Variants in KCNK12 observed in about 807,000 individuals in gnomAD.
The protein encoded by KCNK12 is potassium two pore domain channel subfamily K member 12.
KCNK12 carries 6 observed loss-of-function variants against 25.3 expected under a neutral mutation model. The observed-to-expected ratio is 0.24, with a 90% CI of 0.13 to 0.47. KCNK12 has a LOEUF of 0.47. Ranked by LOEUF, KCNK12 falls within the 20% of genes least tolerant of loss-of-function variation. The probability of loss-of-function intolerance (pLI) is 0.99; values close to 1 mark genes in which losing one functional copy is unlikely to be tolerated. For missense variants in KCNK12, 444 were observed against 661.7 expected (o/e 0.67, Z 3.61); for synonymous variants, 331 against 311.1 (o/e 1.06, Z -0.67).
chr2:47,547,310 C>T lies in KCNK12; in HGVS notation c.391+22631G>A, dbSNP rs1669334948. 1.3e-5 allele frequency among the ~76,000 whole-genome samples: 2 copies of T among 152,324 alleles called. No individual in the cohort carries two copies. Among genetic ancestry groups the T allele is most frequent in the South Asian group, 4.1e-4 (2 of 4,828 alleles). The stretch of plus-strand genomic sequence containing the variant: ...CTCTCATGAGGAGTTTTACAAAATG[C>T]TAATTCATAAGCCCCCACTTCCAGA... On this transcript the variant is annotated intron_variant, in intron 1 of 1. Coordinates refer to ENST00000327876, the MANE Select transcript of KCNK12 (RefSeq NM_022055.2). This position sits in a 1 kb window ranked among gnomAD's most constrained non-coding sequence, Gnocchi z 5.0.
intron 1 of KCNK12, chr2:47,564,239 A>G: frequency 1.3e-5 from 3 of 230,844 alleles, no homozygotes; most frequent in Non-Finnish European, 2.6e-5. Context: ...TTGTAGAGGC[A>G]TAGGCTCAGA....
Position 47,520,840 on chromosome 2 carries a change from G to A in KCNK12, c.*67C>T. On this transcript the variant is annotated 3_prime_UTR_variant, in exon 2 of 2. Transcript: ENST00000327876. The surrounding 1 kb of genome is among the most constrained non-coding windows in gnomAD (Gnocchi z 5.0). ...TTAAGAAAGCGCCAGCAGTGACTGA[G>A]AGAAGCAAACCACGCCCGGCGGCCC... is the stretch of plus-strand genomic sequence containing the variant. 1 of 1,098,528 alleles carries A rather than the reference G, an allele frequency of 9.1e-7. No individual in the cohort carries two copies. Among genetic ancestry groups the A allele is most frequent in the Non-Finnish European group, 1.2e-6 (1 of 864,300 alleles). The allele number at this position is 1,098,528 out of a possible 1,614,324, so 68.0% of individuals were successfully genotyped here.
At position 47,551,779 on chromosome 2, in the gene KCNK12, G is replaced by T. The variant is rs553366992; in HGVS notation, c.391+18162C>A. ...AGGCAGATTATTGGTTTAAGATTCAGTTCTAGCCACAGGCTGCACTGTGCA... is the reference window on the plus strand; with the variant it reads ...AGGCAGATTATTGGTTTAAGATTCATTTCTAGCCACAGGCTGCACTGTGCA... On this transcript the variant is annotated intron_variant, in intron 1 of 1. Transcript: ENST00000327876. This position sits in a 1 kb window ranked among gnomAD's most constrained non-coding sequence, Gnocchi z 5.3. 2.6e-5 allele frequency among the ~76,000 whole-genome samples: 4 copies of T among 152,334 alleles called. No individual in the cohort carries two copies. Among genetic ancestry groups the T allele is most frequent in the Non-Finnish European group, 5.9e-5 (4 of 68,030 alleles).
Position 47,512,189 on chromosome 2 carries a change from T to G in KCNK12, c.*8718A>C. The G allele has an allele frequency of 7.8e-7, 1 of 1,286,358 alleles. No individual in the cohort carries two copies. The highest frequency in any genetic ancestry group is 1.1e-6 in the Non-Finnish European group (1 of 947,086). The allele number at this position is 1,286,358 out of a possible 1,614,324, so 79.7% of individuals were successfully genotyped here. A position where few individuals can be genotyped will look rare whatever the true frequency, so the allele number is the denominator to read the frequency against. On this transcript the variant is annotated 3_prime_UTR_variant, in exon 2 of 2. Coordinates refer to ENST00000327876, the MANE Select transcript of KCNK12 (RefSeq NM_022055.2). ...TCCCAGTCCATGGAGAAAAAAGAAT[T>G]GAACAAACTGTCTAAGCTGGGTCAG... is the stretch of plus-strand genomic sequence containing the variant.
chr2:47,550,676 C>T (rs1485048638), intron 1 of KCNK12, among the ~76,000 whole-genome samples: 1 of 152,116 alleles, frequency 6.6e-6, no homozygotes. Context: ...AGCCACCACA[C>T]CTGGCCACAG....
In KCNK12 at chr2:47,521,627, G is replaced by A. The variant is rs759635368; in HGVS notation, c.573C>T (p.Pro191=). The A allele has an allele frequency of 2.5e-6, 4 of 1,582,040 alleles. No homozygotes were observed. The African/African-American group carries it at 4.0e-5, about 16-fold the overall frequency. The change falls in exon 2 of 2, where the codon CCC becomes CCT. Residue 191 remains proline (P), a synonymous_variant. Transcript: ENST00000327876. ...GCGCGGAGCCGCGGCGGAAGGTGGC[G>A]GGCAGCAGGCCGCTGCGGCGCAGCT... is the stretch of plus-strand genomic sequence containing the variant. ...ERQLRRSGLL[P]ATFRRGSALS... is the part of the protein sequence containing the mutation.
chr2:47,557,328 T>A lies in KCNK12; in HGVS notation c.391+12613A>T, dbSNP rs1266426802. On this transcript the variant is annotated intron_variant, in intron 1 of 1. Coordinates refer to ENST00000327876, the MANE Select transcript of KCNK12 (RefSeq NM_022055.2). This position sits in a 1 kb window ranked among gnomAD's most constrained non-coding sequence, Gnocchi z 4.9. ...TGGGCTGATTCTGTCCTGCACTTGC[T>A]CACCATGTGATGCCTTCCACATGGA... Among the ~76,000 whole-genome samples the A allele has an allele frequency of 6.6e-6, 1 of 152,186 alleles. No homozygotes were observed. Among genetic ancestry groups the A allele is most frequent in the Non-Finnish European group, 1.5e-5 (1 of 68,044 alleles).
chr2:47,563,984 A>G, intron 1 of KCNK12: 1 of 231,374 alleles, frequency 4.3e-6, no homozygotes, highest in Non-Finnish European at 8.6e-6. Flanking sequence ...TTCTTGTCTC[A>G]GTTTTTGATG....
intron 1 of KCNK12, among the ~76,000 whole-genome samples, chr2:47,541,701 G>A (rs1283699624): frequency 1.3e-5 from 2 of 152,170 alleles, no homozygotes; most frequent in Admixed American, 1.3e-4. Flanking sequence ...CACAGGAAGA[G>A]TGTATTAAGA....
Position 47,540,786 on chromosome 2 carries a change from A to AACAC in KCNK12, c.392-18979_392-18978insGTGT, listed in dbSNP as rs1041703783. ...AGAAACAATTAAAAACAAACAAACA[A>AACAC]ACAAACAAACAAAAGCAAGCTGGGC... is the stretch of plus-strand genomic sequence containing the variant. On this transcript the variant is annotated intron_variant, in intron 1 of 1. Transcript: ENST00000327876. The surrounding 1 kb of genome is among the most constrained non-coding windows in gnomAD (Gnocchi z 5.4). Among the ~76,000 whole-genome samples, 1 of 151,482 alleles carries AACAC rather than the reference A, an allele frequency of 6.6e-6. No homozygotes were observed. The highest frequency in any genetic ancestry group is 2.4e-5 in the African/African-American group (1 of 41,140).
chr2:47,557,523 C>T lies in KCNK12; in HGVS notation c.391+12418G>A, dbSNP rs1558564013. ...GACAAGCTAAAATTCATACCCAAGACCAGGGCCCCCAGCATTCTCTCCCTA... is the reference window on the plus strand; with the variant it reads ...GACAAGCTAAAATTCATACCCAAGATCAGGGCCCCCAGCATTCTCTCCCTA... On this transcript the variant is annotated intron_variant, in intron 1 of 1. Coordinates refer to ENST00000327876, the MANE Select transcript of KCNK12 (RefSeq NM_022055.2). This position sits in a 1 kb window ranked among gnomAD's most constrained non-coding sequence, Gnocchi z 4.9. 6.6e-6 allele frequency among the ~76,000 whole-genome samples: 1 copy of T among 152,050 alleles called. No homozygotes were observed. The highest frequency in any genetic ancestry group is 1.5e-5 in the Non-Finnish European group (1 of 68,018).
chr2:47,522,068 TG>T (rs1668670741), intron 1 of KCNK12, among the ~76,000 whole-genome samples: 1 of 152,160 alleles, frequency 6.6e-6, no homozygotes, highest in Admixed American at 6.5e-5. Flanking sequence ...CCCAAGTGGT[TG>T]GGACAGGTAG....
At chr2:47,539,505 A>C (rs2104808493) in intron 1 of KCNK12, among the ~76,000 whole-genome samples, 2 of 152,222 alleles carry the variant, frequency 1.3e-5, no homozygotes, top group Middle Eastern at 3.4e-3. Context: ...CCAAAAGGGG[A>C]CTAAGGAAGG....
In KCNK12 at chr2:47,538,977, GTCT is replaced by G. The variant is rs1669135726; in HGVS notation, c.392-17172_392-17170del. ...GATATGCTGAATTTATTTGATAACT[GTCT>G]TCTTTTTCTCTGTCAGCAGAGTCTC... is the stretch of plus-strand genomic sequence containing the variant. On this transcript the variant is annotated intron_variant, in intron 1 of 1. Coordinates refer to ENST00000327876, the MANE Select transcript of KCNK12 (RefSeq NM_022055.2). The surrounding 1 kb of genome is among the most constrained non-coding windows in gnomAD (Gnocchi z 4.5). Among the ~76,000 whole-genome samples the G allele has an allele frequency of 1.3e-5, 2 of 152,322 alleles. No individual in the cohort carries two copies. Among genetic ancestry groups the G allele is most frequent in the South Asian group, 4.1e-4 (2 of 4,828 alleles).
chr2:47,542,074 T>C (rs1483069492), intron 1 of KCNK12, among the ~76,000 whole-genome samples: 1 of 152,216 alleles, frequency 6.6e-6, no homozygotes, highest in Non-Finnish European at 1.5e-5. Context: ...TTTATCCTGC[T>C]AACTGCAGGG....
chr2:47,534,927 C>A (rs895992120), intron 1 of KCNK12: 1 of 219,310 alleles, frequency 4.6e-6, no homozygotes, highest in African/African-American at 2.3e-5. Flanking sequence ...ATCCTGCTCT[C>A]AAGTGGATAG....
chr2:47,561,125 A>T (rs557707538), intron 1 of KCNK12, among the ~76,000 whole-genome samples: 1 of 151,856 alleles, frequency 6.6e-6, no homozygotes, highest in South Asian at 2.1e-4. Flanking sequence ...CTTCCCTGCT[A>T]CTCTTCAACT....
intron 1 of KCNK12, among the ~76,000 whole-genome samples, chr2:47,541,921 T>C (rs1018127890): frequency 1.3e-5 from 2 of 152,154 alleles, no homozygotes; most frequent in African/African-American, 4.8e-5. Flanking sequence ...TGGGGCCGCC[T>C]GTTTGCTTGG....
Position 47,557,776 on chromosome 2 carries a change from T to A in KCNK12, c.391+12165A>T, listed in dbSNP as rs1669580195. Among the ~76,000 whole-genome samples the A allele has an allele frequency of 6.6e-6, 1 of 152,186 alleles. No homozygotes were observed. Among genetic ancestry groups the A allele is most frequent in the Non-Finnish European group, 1.5e-5 (1 of 68,030 alleles). The stretch of plus-strand genomic sequence containing the variant: ...ATGACCCACTTCAGCTCTTGTTATA[T>A]ACTCTGCTGAACTGCCTTCTGGGTC... On this transcript the variant is annotated intron_variant, in intron 1 of 1. Transcript: ENST00000327876. This position sits in a 1 kb window ranked among gnomAD's most constrained non-coding sequence, Gnocchi z 4.9.
Sources: allele counts gnomAD v4.1 joint callset (sites outside exome capture counted in the v4.1 genomes callset), GRCh38; gene constraint gnomAD v4.1.1; non-coding constraint Gnocchi (gnomAD v3.1); transcripts MANE v1.5; gene names NCBI Gene and HGNC (gene_info 2026-07-23, HGNC 2026-07-21).